Variants in SSBP2 observed in about 807,000 individuals in gnomAD.
The protein encoded by SSBP2 is single stranded DNA binding protein 2.
In SSBP2, 17 loss-of-function variants were observed where a neutral mutation model predicts 61.8. The ratio of observed to expected loss-of-function variants is 0.28; its 90% CI spans 0.19 to 0.41. The LOEUF (loss-of-function observed/expected upper bound fraction) is 0.41. Ranked by LOEUF, SSBP2 falls within the 10% of genes least tolerant of loss-of-function variation. The probability of loss-of-function intolerance (pLI) is 1.00; values close to 1 mark genes in which losing one functional copy is unlikely to be tolerated. For synonymous variants in SSBP2, 139 were observed against 141.3 expected (o/e 0.98, Z 0.12); for missense variants, 310 against 458.7 (o/e 0.68, Z 2.96).
chr5:81,565,946 AT>A (rs1420612231), intron 4 of SSBP2, among the ~76,000 whole-genome samples: 4 of 152,212 alleles, frequency 2.6e-5, no homozygotes, highest in Non-Finnish European at 4.4e-5. Flanking sequence ...TCTTAAAAAA[AT>A]ATTCAATTCA....
intron 5 of SSBP2, among the ~76,000 whole-genome samples, chr5:81,498,007 T>C (rs539530545): frequency 5.3e-5 from 8 of 152,254 alleles, no homozygotes; most frequent in African/African-American, 1.7e-4. Flanking sequence ...GTGTCTTATA[T>C]AAGGCCATGT....
At chr5:81,675,610 C>T (rs380946) in intron 1 of SSBP2, among the ~76,000 whole-genome samples, 1 of 151,866 alleles carries the variant, frequency 6.6e-6, no homozygotes, top group Non-Finnish European at 1.5e-5. Flanking sequence ...GTTACTTTTA[C>T]GTTTTTTGTT....
chr5:81,699,561 A>G (rs1233431216), intron 1 of SSBP2, among the ~76,000 whole-genome samples: 3 of 152,206 alleles, frequency 2.0e-5, no homozygotes, highest in African/African-American at 7.2e-5. Context: ...GATTGCAGCA[A>G]TTCAGTCACA....
intron 5 of SSBP2, among the ~76,000 whole-genome samples, chr5:81,492,564 C>T (rs112912319): frequency 6.9e-4 from 104 of 151,048 alleles, no homozygotes; most frequent in Non-Finnish European, 1.4e-3. Flanking sequence ...AATGTGTTTA[C>T]TCTTTATGTT....
At chr5:81,480,184 A>T (rs566979069) in intron 6 of SSBP2, among the ~76,000 whole-genome samples, 1 of 152,362 alleles carries the variant, frequency 6.6e-6, no homozygotes, top group African/African-American at 2.4e-5. Flanking sequence ...CCTGCTTCAT[A>T]AAAGAATTAT....
chr5:81,625,697 CTA>C (rs138326505), intron 3 of SSBP2, among the ~76,000 whole-genome samples: 5,973 of 152,242 alleles, frequency 0.039, 141 homozygotes, highest in African/African-American at 0.063. Context: ...GTATCTCCCT[CTA>C]TTCCTGAGAA....
At chr5:81,548,026 C>T (rs1419057599) in intron 4 of SSBP2, among the ~76,000 whole-genome samples, 2 of 152,118 alleles carry the variant, frequency 1.3e-5, no homozygotes, top group African/African-American at 2.4e-5. Flanking sequence ...ATGGAATATA[C>T]AATATATACG....
At chr5:81,482,002 T>G (rs1166266466) in intron 6 of SSBP2, among the ~76,000 whole-genome samples, 1 of 151,930 alleles carries the variant, frequency 6.6e-6, no homozygotes, top group African/African-American at 2.4e-5. Flanking sequence ...GGTGCAGTGG[T>G]GCAATCTTGG....
chr5:81,463,291 T>G (rs945116870), intron 9 of SSBP2, among the ~76,000 whole-genome samples: 4 of 152,188 alleles, frequency 2.6e-5, no homozygotes, highest in Non-Finnish European at 5.9e-5. Flanking sequence ...CCACTCCTTT[T>G]GAGGGCCCTC....
chr5:81,533,983 G>A (rs1770611349), intron 4 of SSBP2, among the ~76,000 whole-genome samples: 1 of 152,088 alleles, frequency 6.6e-6, no homozygotes, highest in Non-Finnish European at 1.5e-5. Flanking sequence ...ATACTCCAGA[G>A]CATTCTGTTC....
intron 3 of SSBP2, among the ~76,000 whole-genome samples, chr5:81,631,096 A>G (rs1032534634): frequency 6.6e-6 from 1 of 152,206 alleles, no homozygotes; most frequent in African/African-American, 2.4e-5. Context: ...TAAATACTAT[A>G]TAAAAAGAAA....
At chr5:81,733,902 T>C (rs1237900001) in intron 1 of SSBP2, among the ~76,000 whole-genome samples, 1 of 152,188 alleles carries the variant, frequency 6.6e-6, no homozygotes, top group African/African-American at 2.4e-5. Context: ...TACAAAACTA[T>C]TCTCTTCTCT....
chr5:81,743,141 A>G (rs1665639875), intron 1 of SSBP2, among the ~76,000 whole-genome samples: 1 of 152,220 alleles, frequency 6.6e-6, no homozygotes. Flanking sequence ...CCTATTATCT[A>G]GGAAGATCAG....
chr5:81,684,244 G>T (rs1752607328), intron 1 of SSBP2, among the ~76,000 whole-genome samples: 2 of 152,192 alleles, frequency 1.3e-5, no homozygotes, highest in South Asian at 4.1e-4. Context: ...AGTACATCTA[G>T]ACAATGAAAT....
intron 4 of SSBP2, among the ~76,000 whole-genome samples, chr5:81,557,042 C>T (rs554507463): frequency 2.0e-5 from 3 of 152,160 alleles, no homozygotes; most frequent in South Asian, 4.2e-4. Flanking sequence ...ATGTTGGCCT[C>T]TTCCTTCATA....
In SSBP2 at chr5:81,416,427, G is replaced by C. The variant is rs1761314745; in HGVS notation, c.*4077C>G. The C allele has an allele frequency of 6.6e-6, 1 of 152,188 alleles. No homozygotes were observed. Among genetic ancestry groups the C allele is most frequent in the African/African-American group, 2.4e-5 (1 of 41,432 alleles). 9.4% of individuals were successfully genotyped at this position (152,188 alleles called of 1,614,324 possible). Reference sequence around the variant, plus strand: ...AGATGAAAATGGTAAGGGCTGAGAAGGTAACAGTGTTCAGTTGGTATTTTA... The same window carrying C: ...AGATGAAAATGGTAAGGGCTGAGAACGTAACAGTGTTCAGTTGGTATTTTA... On this transcript the variant is annotated 3_prime_UTR_variant, in exon 17 of 17. Transcript: ENST00000320672.
intron 1 of SSBP2, among the ~76,000 whole-genome samples, chr5:81,703,572 TAAAAAAAGA>T (rs968498378): frequency 4.0e-5 from 6 of 151,722 alleles, no homozygotes; most frequent in African/African-American, 9.7e-5. Context: ...TAATAAAATT[TAAAAAAAGA>T]AAAAAAAGAA....
At chr5:81,530,058 GT>G (rs1770276298) in intron 4 of SSBP2, among the ~76,000 whole-genome samples, 1 of 151,898 alleles carries the variant, frequency 6.6e-6, no homozygotes. Flanking sequence ...AGAACAGAAG[GT>G]AAGAGAAATG....
chr5:81,423,853 T>C (rs1292493981), intron 16 of SSBP2, among the ~76,000 whole-genome samples: 1 of 152,232 alleles, frequency 6.6e-6, no homozygotes, highest in East Asian at 1.9e-4. Flanking sequence ...AGAGTATGTA[T>C]ATATGTCAAG....
Sources: gnomAD v4.1 joint callset for allele counts (sites outside exome capture counted in the v4.1 genomes callset) on GRCh38, gnomAD v4.1.1 for gene constraint, MANE v1.5 for transcripts, NCBI Gene and HGNC (gene_info 2026-07-23, HGNC 2026-07-21) for gene names.